The following KIF5C variants were observed in gnomAD, a reference collection of about 807,000 sequenced individuals.
KIF5C encodes kinesin family member 5C.
In KIF5C, 18 loss-of-function variants were observed where a neutral mutation model predicts 125.2. The ratio of observed to expected loss-of-function variants is 0.14; its 90% CI spans 0.10 to 0.21. The LOEUF is 0.21. Ranked by LOEUF, KIF5C falls within the 10% of genes least tolerant of loss-of-function variation. The probability of loss-of-function intolerance (pLI) is 1.00; values close to 1 mark genes in which losing one functional copy is unlikely to be tolerated. For missense variants in KIF5C, 780 were observed against 1,183.8 expected (o/e 0.66, Z 5.01); for synonymous variants, 405 against 434.0 (o/e 0.93, Z 0.83).
At chr2:148,961,655 A>G (rs1236121333) in intron 10 of KIF5C, among the ~76,000 whole-genome samples, 3 of 152,196 alleles carry the variant, frequency 2.0e-5, no homozygotes, top group African/African-American at 4.8e-5. Context: ...GGCTGTAACC[A>G]TAAGGATGGC....
intron 12 of KIF5C, among the ~76,000 whole-genome samples, chr2:148,977,324 A>G (rs1010347757): frequency 6.6e-6 from 1 of 152,244 alleles, no homozygotes; most frequent in Non-Finnish European, 1.5e-5. Context: ...GCGTAAGGAC[A>G]GAGTTCACTC....
At chr2:148,910,056 T>G (rs904588773) in intron 1 of KIF5C, among the ~76,000 whole-genome samples, 2 of 152,224 alleles carry the variant, frequency 1.3e-5, no homozygotes, top group Non-Finnish European at 2.9e-5. Flanking sequence ...AAAATTCTAT[T>G]AATTCAAAAT....
intron 12 of KIF5C, among the ~76,000 whole-genome samples, chr2:148,977,265 G>A (rs551865994): frequency 6.6e-6 from 1 of 152,332 alleles, no homozygotes; most frequent in South Asian, 2.1e-4. Flanking sequence ...ATCCCAGCTT[G>A]TCATCTGTTG....
intron 10 of KIF5C, among the ~76,000 whole-genome samples, chr2:148,957,283 G>A (rs577462917): frequency 5.3e-5 from 8 of 152,266 alleles, no homozygotes; most frequent in South Asian, 2.1e-4. Context: ...CTGTGTAACC[G>A]CATTGATGGC....
intron 3 of KIF5C, 70 bp from the exon 4 acceptor site, chr2:148,937,214 T>C (rs1425985469): frequency 5.9e-6 from 9 of 1,529,406 alleles, no homozygotes; most frequent in South Asian, 1.3e-5. Flanking sequence ...AACCCAGAGA[T>C]GGTTCTCCCT....
intron 1 of KIF5C, 117 bp downstream of exon 1, chr2:148,875,860 C>T: frequency 2.1e-6 from 3 of 1,419,500 alleles, no homozygotes; most frequent in Non-Finnish European, 2.8e-6. Flanking sequence ...GCGGGGCTGG[C>T]CTCTCGGGTG....
chr2:148,946,306 C>T (rs1450824240), intron 7 of KIF5C, among the ~76,000 whole-genome samples: 2 of 152,148 alleles, frequency 1.3e-5, no homozygotes, highest in Non-Finnish European at 2.9e-5. Context: ...GTCTGCTTGG[C>T]AGACAAAGAC....
At chr2:148,908,904 G>C (rs1681221361) in intron 1 of KIF5C, among the ~76,000 whole-genome samples, 1 of 152,194 alleles carries the variant, frequency 6.6e-6, no homozygotes, top group Non-Finnish European at 1.5e-5. Context: ...ATGAATCCGT[G>C]ATGTTATCTA....
chr2:149,007,571 C>A (rs1682045500), intron 22 of KIF5C, among the ~76,000 whole-genome samples: 1 of 152,170 alleles, frequency 6.6e-6, no homozygotes, highest in Non-Finnish European at 1.5e-5. Context: ...ACCATGATGG[C>A]TGAAATCAAA....
chr2:148,993,872 C>T (rs775291908), intron 16 of KIF5C, among the ~76,000 whole-genome samples: 1 of 152,026 alleles, frequency 6.6e-6, no homozygotes, highest in African/African-American at 2.4e-5. Flanking sequence ...AGTGTTGGGG[C>T]CTGAGTGATA....
intron 14 of KIF5C, among the ~76,000 whole-genome samples, chr2:148,982,300 G>A: frequency 6.6e-6 from 1 of 152,220 alleles, no homozygotes; most frequent in East Asian, 1.9e-4. Context: ...GCGGTAGCAG[G>A]AGCAGTGAAT....
chr2:148,915,269 G>A (rs1681500218), intron 1 of KIF5C, among the ~76,000 whole-genome samples: 1 of 152,252 alleles, frequency 6.6e-6, no homozygotes, highest in East Asian at 1.9e-4. Flanking sequence ...CATCCCTGGG[G>A]CCCATCTGGC....
chr2:148,975,120 G>A (rs916946386), intron 12 of KIF5C, among the ~76,000 whole-genome samples: 10 of 152,162 alleles, frequency 6.6e-5, no homozygotes, highest in Non-Finnish European at 1.2e-4. Context: ...TGTAAGGCCC[G>A]CTGTTGGAGG....
chr2:148,985,444 T>C (rs1681354475), intron 15 of KIF5C, among the ~76,000 whole-genome samples: 1 of 152,182 alleles, frequency 6.6e-6, no homozygotes, highest in Middle Eastern at 3.2e-3. Context: ...CCCAAAAGTA[T>C]GTGGGGGCAG....
At chr2:148,982,461 G>A (rs1031620833) in intron 14 of KIF5C, among the ~76,000 whole-genome samples, 4 of 152,208 alleles carry the variant, frequency 2.6e-5, no homozygotes, top group African/African-American at 9.6e-5. Context: ...AAAGCATCCA[G>A]TTTAAAAAGA....
At chr2:148,987,669 G>T (rs940533587) in intron 15 of KIF5C, among the ~76,000 whole-genome samples, 1 of 152,104 alleles carries the variant, frequency 6.6e-6, no homozygotes, top group Non-Finnish European at 1.5e-5. Context: ...GAGGGGGTCT[G>T]TTCAGTCATT....
At chr2:148,963,924 TG>T (rs1030660239) in intron 11 of KIF5C, among the ~76,000 whole-genome samples, 1 of 152,192 alleles carries the variant, frequency 6.6e-6, no homozygotes, top group African/African-American at 2.4e-5. Flanking sequence ...TAGCATCTTT[TG>T]GGCACTCAGT....
rs374610433 is a variant in KIF5C, at chr2:149,000,271, T to A, written c.2211-152T>A. 196 of 867,026 alleles carry A rather than the reference T, an allele frequency of 2.3e-4. 2 individuals are homozygous for A. In the South Asian group the frequency reaches 5.6e-3, roughly 25 times the overall value. 53.7% of individuals were successfully genotyped at this position (867,026 alleles called of 1,614,324 possible). A position where few individuals can be genotyped will look rare whatever the true frequency, so the allele number is the denominator to read the frequency against. On this transcript the variant is annotated intron_variant, in intron 19 of 25. Coordinates refer to ENST00000435030, the MANE Select transcript of KIF5C (RefSeq NM_004522.3). ...GTTTTCACTTGGGCACGGAGGAAGCTGTGAGGCTGTTCTGTGATCCCTCCA... is the reference window on the plus strand; with the variant it reads ...GTTTTCACTTGGGCACGGAGGAAGCAGTGAGGCTGTTCTGTGATCCCTCCA...
chr2:149,014,264 A>AT (rs1682296054), intron 25 of KIF5C, among the ~76,000 whole-genome samples: 1 of 152,164 alleles, frequency 6.6e-6, no homozygotes, highest in African/African-American at 2.4e-5. Flanking sequence ...ACTTCAAGTG[A>AT]TTCCCCCCAC....
Sources: gnomAD v4.1 joint callset for allele counts (sites outside exome capture counted in the v4.1 genomes callset) on GRCh38, gnomAD v4.1.1 for gene constraint, MANE v1.5 for transcripts, NCBI Gene and HGNC (gene_info 2026-07-23, HGNC 2026-07-21) for gene names.